EXD3: variants seen among roughly 807,000 people sequenced by gnomAD.
EXD3 encodes exonuclease mut-7 homolog.
A neutral mutation model predicts 98.0 loss-of-function variants in EXD3; 92 were observed. That is an observed-to-expected ratio of 0.94 (90% CI 0.79 to 1.12). The LOEUF (loss-of-function observed/expected upper bound fraction) is 1.12, where lower values mean the gene tolerates loss of function less well. EXD3 is among the 50% of genes most tolerant of loss of function. The pLI, the probability that EXD3 is intolerant of heterozygous loss-of-function variation, is 0.00. For synonymous variants in EXD3, 569 were observed against 526.0 expected (o/e 1.08, Z -1.12); for missense variants, 1,222 against 1,191.6 (o/e 1.03, Z -0.38).
intron 20 of EXD3, 104 bp from the exon 21 acceptor site, chr9:137,307,750 T>C (rs1184611501): frequency 3.1e-6 from 4 of 1,298,884 alleles, no homozygotes; most frequent in South Asian, 1.3e-5. Context: ...AGTCACCTCA[T>C]GGGGTGCAGC....
Position 137,393,156 on chromosome 9 carries a change from C to T in EXD3, c.55+2147G>A, listed in dbSNP as rs1317993291. On this transcript the variant is annotated intron_variant, in intron 2 of 21. Coordinates refer to ENST00000340951, the MANE Select transcript of EXD3 (RefSeq NM_017820.5). The surrounding 1 kb of genome is among the most constrained non-coding windows in gnomAD (Gnocchi z 4.6). ...GGGGGCGCCGAGGCTGTTCCAGGGG[C>T]CCTGCTAGCTGGGGTGTTGCACTTT... 1.0e-5 allele frequency: 7 copies of T among 701,506 alleles called. No homozygotes were observed. Among genetic ancestry groups the T allele is most frequent in the African/African-American group, 8.8e-5 (5 of 56,924 alleles). 43.5% of individuals were successfully genotyped at this position (701,506 alleles called of 1,614,324 possible).
chr9:137,370,413 C>T (rs950710977), intron 5 of EXD3, among the ~76,000 whole-genome samples: 2 of 151,942 alleles, frequency 1.3e-5, no homozygotes, highest in Non-Finnish European at 2.9e-5. Flanking sequence ...GTGGGAGGAA[C>T]GAGCCCGGGG....
intron 3 of EXD3, chr9:137,381,387 G>A (rs1836260165): frequency 7.1e-6 from 1 of 141,016 alleles, no homozygotes; most frequent in Non-Finnish European, 1.5e-5. Flanking sequence ...CTGCACTCCA[G>A]CCTGGGTGAC....
chr9:137,388,838 C>A (rs974292768), intron 2 of EXD3, among the ~76,000 whole-genome samples: 1 of 152,182 alleles, frequency 6.6e-6, no homozygotes, highest in South Asian at 2.1e-4. Context: ...AAGAGCCCGG[C>A]CGCCCAGACC....
intron 2 of EXD3, chr9:137,392,903 T>A: frequency 2.6e-6 from 1 of 383,738 alleles, no homozygotes; most frequent in Non-Finnish European, 4.9e-6. Context: ...GCGGGCACCA[T>A]GTCTGTTCTG....
rs1837156404 is a variant in EXD3 at position 137,395,322 on chromosome 9, A to G, written c.36T>C (p.Ala12=). 3 of 1,612,690 alleles carry G rather than the reference A, an allele frequency of 1.9e-6. No individual in the cohort carries two copies. In the East Asian group the frequency reaches 6.7e-5, roughly 36 times the overall value. Residue 12 remains alanine, a synonymous_variant, in exon 2 of 22, where the codon GCT becomes GCC. Transcript: ENST00000340951. This position sits in a 1 kb window ranked among gnomAD's most constrained non-coding sequence, Gnocchi z 6.5. ...ACTCACCCATGCGGTGGCGCTCGCC[A>G]GCGGCAGGGTCACCAGCGGGATCTC... ...DPGDPAGDPA[A]GERHRMGRDP... is the part of the protein sequence containing the mutation.
intron 5 of EXD3, among the ~76,000 whole-genome samples, chr9:137,369,196 G>A (rs1274995904): frequency 2.0e-5 from 3 of 150,818 alleles, no homozygotes; most frequent in African/African-American, 4.9e-5. Flanking sequence ...GGAGGGGCAC[G>A]GGGCCACCAC....
At position 137,352,789 on chromosome 9, in the gene EXD3, G is replaced by C. The variant is rs148272244; in HGVS notation, c.871-3C>G. On this transcript the variant is annotated splice_polypyrimidine_tract_variant and splice_region_variant and intron_variant, in intron 10 of 21. Transcript: ENST00000340951. ...CACGGGCTCTGCCCCACCAGGCCCT[G>C]TGAGGAGGGTGGCCGTGAGGATGGA... The C allele has an allele frequency of 6.3e-4, 996 of 1,579,526 alleles. 12 individuals are homozygous for C. In the African/African-American group the frequency reaches 0.012, roughly 20 times the overall value.
At chr9:137,416,195 T>C (rs945253631) in intron 1 of EXD3, among the ~76,000 whole-genome samples, 1 of 152,172 alleles carries the variant, frequency 6.6e-6, no homozygotes, top group Non-Finnish European at 1.5e-5. Flanking sequence ...TCTTCTGCAG[T>C]GCCTGAGGGC....
At chr9:137,383,288 C>T (rs747970661) in intron 3 of EXD3, 25 bp downstream of exon 3, 22 of 1,542,970 alleles carry the variant, frequency 1.4e-5, no homozygotes, top group African/African-American at 8.2e-5. Context: ...TGACTTGGCA[C>T]GTGGTGGCTG....
At chr9:137,358,941 T>C (rs1834925222) in intron 7 of EXD3, among the ~76,000 whole-genome samples, 2 of 150,870 alleles carry the variant, frequency 1.3e-5, no homozygotes, top group African/African-American at 2.4e-5. Context: ...CCACTGCACC[T>C]GGCAAGGCCT....
At chr9:137,380,916 A>G (rs1172690689) in intron 3 of EXD3, among the ~76,000 whole-genome samples, 2 of 150,922 alleles carry the variant, frequency 1.3e-5, no homozygotes, top group African/African-American at 2.4e-5. Flanking sequence ...CCTGGCCAAC[A>G]TGGTGAAACC....
intron 2 of EXD3, among the ~76,000 whole-genome samples, chr9:137,388,350 C>T (rs572519480): frequency 3.7e-4 from 56 of 152,150 alleles, no homozygotes; most frequent in Non-Finnish European, 6.9e-4. Context: ...CCGCGCCGGC[C>T]GACGGGAGGA....
At chr9:137,318,211 A>C (rs1588232534) in intron 19 of EXD3, among the ~76,000 whole-genome samples, 1 of 151,114 alleles carries the variant, frequency 6.6e-6, no homozygotes, top group African/African-American at 2.4e-5. Context: ...CTCCTCGAGA[A>C]CCCCCTCTTG....
chr9:137,314,544 G>A (rs946687553), intron 19 of EXD3, among the ~76,000 whole-genome samples: 4 of 152,114 alleles, frequency 2.6e-5, no homozygotes, highest in Admixed American at 2.6e-4. Context: ...CCCCGGGAAC[G>A]TCTGGAGCCT....
In EXD3 at chr9:137,414,312, G is replaced by T. The variant is rs116174564; in HGVS notation, c.-48+8802C>A. Among the ~76,000 whole-genome samples, 487 of 152,340 alleles carry T rather than the reference G, an allele frequency of 3.2e-3. 4 individuals carry two copies. Among genetic ancestry groups the T allele is most frequent in the African/African-American group, 0.011 (441 of 41,562 alleles). On this transcript the variant is annotated intron_variant, in intron 1 of 21. Transcript: ENST00000340951. ...CATGTGCTGGAACTGCCTTTCCGTG[G>T]CTGAGTCCTGCCCCACTGTGTGCAC...
rs570872191 is a variant in EXD3 at position 137,375,381 on chromosome 9, T to A, written c.121-1782A>T. ...TCTAGTGAGTTCTAGCTCTAGTGAGTTCTAGTTCTAGCGAGTTCCAGCCCT... is the reference window on the plus strand; with the variant it reads ...TCTAGTGAGTTCTAGCTCTAGTGAGATCTAGTTCTAGCGAGTTCCAGCCCT... On this transcript the variant is annotated intron_variant, in intron 3 of 21. Transcript: ENST00000340951. Among the ~76,000 whole-genome samples the A allele has an allele frequency of 1.0e-3, 153 of 152,318 alleles. 2 individuals carry two copies. Among genetic ancestry groups the A allele is most frequent in the African/African-American group, 3.6e-3 (149 of 41,562 alleles).
At chr9:137,375,890 C>T (rs1835874817) in intron 3 of EXD3, among the ~76,000 whole-genome samples, 1 of 152,138 alleles carries the variant, frequency 6.6e-6, no homozygotes, top group African/African-American at 2.4e-5. Context: ...TGAGTGACAC[C>T]CACAAGTAGG....
At chr9:137,382,824 G>A (rs1473271311) in intron 3 of EXD3, among the ~76,000 whole-genome samples, 4 of 152,158 alleles carry the variant, frequency 2.6e-5, no homozygotes, top group East Asian at 1.9e-4. Context: ...CTAAGGAGCC[G>A]GAATCCGCGT....
Sources: gnomAD v4.1 joint callset for allele counts (sites outside exome capture counted in the v4.1 genomes callset) on GRCh38, gnomAD v4.1.1 for gene constraint, Gnocchi (gnomAD v3.1) non-coding constraint, MANE v1.5 for transcripts, NCBI Gene and HGNC (gene_info 2026-07-23, HGNC 2026-07-21) for gene names.